Variants in PAPPA2 observed in about 807,000 individuals in gnomAD.
PAPPA2 encodes the protein pappalysin-2.
PAPPA2 carries 86 observed loss-of-function variants against 176.4 expected under a neutral mutation model. That is an observed-to-expected ratio of 0.49 (90% CI 0.41 to 0.58). PAPPA2 has a LOEUF of 0.58. PAPPA2 is among the 20% of genes least tolerant of loss of function. PAPPA2 has a pLI of 0.00. For synonymous variants in PAPPA2, 809 were observed against 852.2 expected (o/e 0.95, Z 0.88); for missense variants, 2,073 against 2,256.9 (o/e 0.92, Z 1.65).
At chr1:176,716,913 A>C (rs950463327) in intron 12 of PAPPA2, among the ~76,000 whole-genome samples, 3 of 151,892 alleles carry the variant, frequency 2.0e-5, no homozygotes, top group African/African-American at 7.2e-5. Flanking sequence ...GCCCGGCCAC[A>C]ACAATTCCAT....
intron 3 of PAPPA2, among the ~76,000 whole-genome samples, chr1:176,666,600 T>TGAGAGA (rs1278287138): frequency 3.6e-4 from 47 of 129,096 alleles, no homozygotes; most frequent in African/African-American, 1.6e-3. Flanking sequence ...TGTGTGTGTG[T>TGAGAGA]GTGTGTGTGA....
In PAPPA2 at chr1:176,642,939, T is replaced by C. The variant is rs1657182138; in HGVS notation, c.1992-28031T>C. ...AGGATGTAGAAATTCAGTCACAAAA[T>C]AGTTAAGAGACTGTGTTCACCTATT... On this transcript the variant is annotated intron_variant, in intron 3 of 22. Transcript: ENST00000367662. Among the ~76,000 whole-genome samples the C allele has an allele frequency of 2.0e-5, 3 of 151,904 alleles. No homozygotes were observed. In the South Asian group the frequency reaches 6.2e-4, roughly 31 times the overall value.
intron 3 of PAPPA2, among the ~76,000 whole-genome samples, chr1:176,660,986 T>C (rs548496562): frequency 5.3e-5 from 8 of 152,112 alleles, no homozygotes; most frequent in Non-Finnish European, 1.0e-4. Flanking sequence ...CTGCAAAGAT[T>C]GGAATTATTT....
chr1:176,631,391 G>A (rs1229520852), intron 3 of PAPPA2, among the ~76,000 whole-genome samples: 1 of 152,160 alleles, frequency 6.6e-6, no homozygotes, highest in African/African-American at 2.4e-5. Context: ...AGAATGGAAG[G>A]ATAAGGAGAT....
At chr1:176,519,365 T>C (rs1313077844) in intron 1 of PAPPA2, among the ~76,000 whole-genome samples, 3 of 151,958 alleles carry the variant, frequency 2.0e-5, no homozygotes, top group African/African-American at 7.3e-5. Context: ...AGTCTGAGAA[T>C]GAGTTGAATA....
intron 3 of PAPPA2, among the ~76,000 whole-genome samples, chr1:176,624,884 C>T (rs1229405515): frequency 6.6e-6 from 1 of 152,110 alleles, no homozygotes; most frequent in Non-Finnish European, 1.5e-5. Flanking sequence ...GGTTGCAGGG[C>T]AGATCCCCAG....
At chr1:176,762,822 T>C (rs1177907742) in intron 14 of PAPPA2, among the ~76,000 whole-genome samples, 2 of 152,204 alleles carry the variant, frequency 1.3e-5, no homozygotes, top group Non-Finnish European at 2.9e-5. Flanking sequence ...ACCCCCACCT[T>C]ATATATTTCT....
intron 3 of PAPPA2, among the ~76,000 whole-genome samples, chr1:176,634,790 C>T (rs1319168643): frequency 1.4e-5 from 2 of 141,622 alleles, no homozygotes; most frequent in East Asian, 4.2e-4. Flanking sequence ...GTTAAAATTT[C>T]CAAGGAGAGA....
intron 1 of PAPPA2, among the ~76,000 whole-genome samples, chr1:176,543,058 G>A (rs1237668202): frequency 6.6e-6 from 1 of 152,142 alleles, no homozygotes; most frequent in Non-Finnish European, 1.5e-5. Context: ...CAAAGTGTGG[G>A]AGGAATTCCA....
intron 13 of PAPPA2, 109 bp from the exon 14 acceptor site, chr1:176,739,871 A>G (rs1662594149): frequency 1.3e-6 from 2 of 1,566,010 alleles, no homozygotes; most frequent in Non-Finnish European, 1.7e-6. Flanking sequence ...TACATCATAC[A>G]TCTAGGTTTT....
intron 17 of PAPPA2, among the ~76,000 whole-genome samples, chr1:176,774,497 G>A (rs941703138): frequency 3.9e-5 from 6 of 152,172 alleles, no homozygotes; most frequent in South Asian, 2.1e-4. Flanking sequence ...ACTCCTCAGC[G>A]CCCTTTACCT....
rs564671993 is a variant in PAPPA2, at chr1:176,524,331, G to T, written c.-916-31076G>T. 2.0e-5 allele frequency among the ~76,000 whole-genome samples: 3 copies of T among 152,294 alleles called. No individual in the cohort carries two copies. In the East Asian group the frequency reaches 5.8e-4, roughly 29 times the overall value. On this transcript the variant is annotated intron_variant, in intron 1 of 22. Coordinates refer to ENST00000367662, the MANE Select transcript of PAPPA2 (RefSeq NM_020318.3). The stretch of plus-strand genomic sequence containing the variant: ...GCCATGACAATGTCCAAGAATGCTG[G>T]AATCTGGCTGCTCTGTTGGCTTTCA...
chr1:176,552,579 CA>C (rs1388608434), intron 1 of PAPPA2, among the ~76,000 whole-genome samples: 1 of 152,082 alleles, frequency 6.6e-6, no homozygotes, highest in Non-Finnish European at 1.5e-5. Context: ...ACCTGCAGAA[CA>C]AGACACCGCT....
At chr1:176,663,516 T>C (rs1658464679) in intron 3 of PAPPA2, among the ~76,000 whole-genome samples, 1 of 152,190 alleles carries the variant, frequency 6.6e-6, no homozygotes, top group African/African-American at 2.4e-5. Flanking sequence ...CACTATAAAG[T>C]GTCACATTTA....
intron 3 of PAPPA2, among the ~76,000 whole-genome samples, chr1:176,617,982 A>T (rs1469864095): frequency 6.6e-6 from 1 of 152,212 alleles, no homozygotes; most frequent in Non-Finnish European, 1.5e-5. Flanking sequence ...AACTGTGCTC[A>T]GTAAAGGAAG....
intron 2 of PAPPA2, among the ~76,000 whole-genome samples, chr1:176,582,201 G>A (rs1425835697): frequency 1.3e-5 from 2 of 151,908 alleles, no homozygotes; most frequent in Non-Finnish European, 2.9e-5. Flanking sequence ...TGTTGGGATT[G>A]CAGGCATGAG....
At chr1:176,577,659 G>A (rs1473029230) in intron 2 of PAPPA2, among the ~76,000 whole-genome samples, 1 of 151,924 alleles carries the variant, frequency 6.6e-6, no homozygotes, top group Non-Finnish European at 1.5e-5. Context: ...TTGATGGATG[G>A]CTTCTTTTCC....
At chr1:176,598,418 A>C (rs778740896) in intron 3 of PAPPA2, among the ~76,000 whole-genome samples, 2 of 152,188 alleles carry the variant, frequency 1.3e-5, no homozygotes, top group African/African-American at 4.8e-5. Context: ...GCATCCTTCC[A>C]TATAATTACT....
At chr1:176,781,236 G>A (rs1664698628) in intron 17 of PAPPA2, among the ~76,000 whole-genome samples, 1 of 151,924 alleles carries the variant, frequency 6.6e-6, no homozygotes, top group Admixed American at 6.6e-5. Flanking sequence ...AGATTTAGAA[G>A]AAAGTCCAAA....
Sources: allele counts gnomAD v4.1 joint callset (sites outside exome capture counted in the v4.1 genomes callset), GRCh38; gene constraint gnomAD v4.1.1; transcripts MANE v1.5; gene names NCBI Gene and HGNC (gene_info 2026-07-23, HGNC 2026-07-21).